The following SMLR1 variants were observed in gnomAD, a reference collection of about 807,000 sequenced individuals.
The protein encoded by SMLR1 is small leucine rich protein 1.
In SMLR1, 3 loss-of-function variants were observed where a neutral mutation model predicts 6.1. That is an observed-to-expected ratio of 0.49 (90% CI 0.22 to 1.28). SMLR1 has a LOEUF of 1.28. Among genes scored for constraint, SMLR1 ranks in the 50% most tolerant of loss-of-function variants. The probability of loss-of-function intolerance (pLI) is 0.19; values close to 1 mark genes in which losing one functional copy is unlikely to be tolerated. For synonymous variants in SMLR1, 55 were observed against 53.6 expected, an observed-to-expected ratio of 1.03 and a Z score of -0.11; for missense variants, 126 against 124.8, an observed-to-expected ratio of 1.01 and a Z score of -0.05.
chr6:130,828,445 TG>T (rs1390568918), intron 1 of SMLR1, among the ~76,000 whole-genome samples: 4 of 152,238 alleles, frequency 2.6e-5, no homozygotes, highest in African/African-American at 9.6e-5. Context: ...TTTCTTAATT[TG>T]GATAGTGTCA....
chr6:130,834,595 T>A (rs1021710573), intron 1 of SMLR1, among the ~76,000 whole-genome samples: 1 of 152,138 alleles, frequency 6.6e-6, no homozygotes, highest in Non-Finnish European at 1.5e-5. Context: ...ATCAACAAAA[T>A]CTAAATATAC....
rs779147365 is a variant in SMLR1 at position 130,834,879 on chromosome 6, A to T, written c.248A>T (p.Glu83Val). Reference sequence around the variant, plus strand: ...ATATTTTTCCTTTCAGTTAATGAAGAACTGTCCCAGAACTGTGATCGCCAA... The same window carrying T: ...ATATTTTTCCTTTCAGTTAATGAAGTACTGTCCCAGAACTGTGATCGCCAA... ...FRIKLIEVNE[E>V]LSQNCDRQHN... The change falls in exon 2 of 2, where the codon GAA becomes GTA. Residue 83 changes from glutamate (E) to valine (V), a missense_variant. Transcript: ENST00000541421. 5.2e-6 allele frequency: 8 copies of T among 1,535,156 alleles called. No homozygotes were observed. The South Asian group carries it at 9.5e-5, about 18-fold the overall frequency.
chr6:130,827,997 C>T (rs943237143), intron 1 of SMLR1, among the ~76,000 whole-genome samples: 1 of 152,190 alleles, frequency 6.6e-6, no homozygotes, highest in Non-Finnish European at 1.5e-5. Context: ...TCATGGTCTG[C>T]CTTCTTTACA....
chr6:130,833,748 T>C (rs1405273961), intron 1 of SMLR1, among the ~76,000 whole-genome samples: 1 of 152,170 alleles, frequency 6.6e-6, no homozygotes, highest in African/African-American at 2.4e-5. Flanking sequence ...ACAGAGCAAG[T>C]GCAAGTATTG....
intron 1 of SMLR1, 145 bp downstream of exon 1, chr6:130,827,796 C>G: frequency 3.0e-6 from 2 of 675,560 alleles, no homozygotes; most frequent in Non-Finnish European, 4.9e-6. Context: ...AGTGTTCTCT[C>G]AAGTTCCTTG....
chr6:130,834,223 C>T (rs1774565921), intron 1 of SMLR1, among the ~76,000 whole-genome samples: 1 of 151,990 alleles, frequency 6.6e-6, no homozygotes, highest in South Asian at 2.1e-4. Context: ...GATAAAAGCA[C>T]ACAGGTGGCA....
rs537035384 is a variant in SMLR1 at position 130,829,155 on chromosome 6, A to G, written c.238+1504A>G. ...TCATCTCTGGCTGGATGAAATTTTC[A>G]GTATTTCAAAAACTGCAGCAAGTAC... is the stretch of plus-strand genomic sequence containing the variant. On this transcript the variant is annotated intron_variant, in intron 1 of 1. Coordinates refer to ENST00000541421, the MANE Select transcript of SMLR1 (RefSeq NM_001195597.2). Among the ~76,000 whole-genome samples the G allele has an allele frequency of 1.0e-3, 152 of 152,310 alleles. 1 individual carries two copies. Among genetic ancestry groups the G allele is most frequent in the African/African-American group, 3.5e-3 (147 of 41,586 alleles).
chr6:130,827,749 A>AAC, intron 1 of SMLR1, 98 bp downstream of exon 1: 1 of 820,668 alleles, frequency 1.2e-6, no homozygotes, highest in South Asian at 1.7e-5. Flanking sequence ...GGCCAGGAGA[A>AAC]ACATATATAT....
chr6:130,835,094 AC>A lies in SMLR1; in HGVS notation c.*141del. ...AAGAATACTAAGATACTCATTCTGA[AC>A]CATACTGAAAAGTGGCAGCTATTAT... is the stretch of plus-strand genomic sequence containing the variant. On this transcript the variant is annotated 3_prime_UTR_variant, in exon 2 of 2. Transcript: ENST00000541421. The A allele has an allele frequency of 1.4e-6, 1 of 694,214 alleles. No individual in the cohort carries two copies. The highest frequency in any genetic ancestry group is 2.4e-6 in the Non-Finnish European group (1 of 413,916). The allele number at this position is 694,214 out of a possible 1,614,324, so 43.0% of individuals were successfully genotyped here.
chr6:130,834,349 G>T (rs949504199), intron 1 of SMLR1, among the ~76,000 whole-genome samples: 2 of 152,102 alleles, frequency 1.3e-5, no homozygotes, highest in African/African-American at 4.8e-5. Flanking sequence ...TCAGTAATTC[G>T]ATGGCATGGT....
intron 1 of SMLR1, among the ~76,000 whole-genome samples, chr6:130,830,618 C>G (rs1352779745): frequency 1.3e-5 from 2 of 152,148 alleles, no homozygotes; most frequent in Non-Finnish European, 2.9e-5. Flanking sequence ...GAGGCTGAGA[C>G]CTACTGGGCT....
At position 130,835,374 on chromosome 6, in the gene SMLR1, C is replaced by G. The variant is rs1183581186; in HGVS notation, c.*419C>G. 1 of 161,282 alleles carries G rather than the reference C, an allele frequency of 6.2e-6. No individual in the cohort carries two copies. Among genetic ancestry groups the G allele is most frequent in the African/African-American group, 2.4e-5 (1 of 41,666 alleles). The allele number at this position is 161,282 out of a possible 1,614,324, so 10.0% of individuals were successfully genotyped here. A position where few individuals can be genotyped will look rare whatever the true frequency, so the allele number is the denominator to read the frequency against. On this transcript the variant is annotated 3_prime_UTR_variant, in exon 2 of 2. Coordinates refer to ENST00000541421, the MANE Select transcript of SMLR1 (RefSeq NM_001195597.2). ...CCAATGAATAGCAAAAGATGAATGC[C>G]TTGGAGAGAGCTCAGTAGATTCCAT...
chr6:130,833,693 G>T (rs1774540780), intron 1 of SMLR1, among the ~76,000 whole-genome samples: 1 of 152,100 alleles, frequency 6.6e-6, no homozygotes, highest in Non-Finnish European at 1.5e-5. Flanking sequence ...GTCATCACAA[G>T]AATTGAACGA....
chr6:130,831,609 G>A (rs1774450067), intron 1 of SMLR1, among the ~76,000 whole-genome samples: 2 of 152,154 alleles, frequency 1.3e-5, no homozygotes, highest in South Asian at 4.1e-4. Flanking sequence ...TCACCAGTTT[G>A]TATCTCCATT....
At chr6:130,829,104 T>TG (rs938557235) in intron 1 of SMLR1, among the ~76,000 whole-genome samples, 1 of 152,174 alleles carries the variant, frequency 6.6e-6, no homozygotes, top group Non-Finnish European at 1.5e-5. Flanking sequence ...ATCGGGGACT[T>TG]GGAGACTTCC....
chr6:130,829,434 A>G (rs1774375369), intron 1 of SMLR1, among the ~76,000 whole-genome samples: 1 of 152,212 alleles, frequency 6.6e-6, no homozygotes, highest in South Asian at 2.1e-4. Flanking sequence ...ATACCCTGGA[A>G]AAGTCAACGT....
chr6:130,834,228 G>A (rs1232176766), intron 1 of SMLR1, among the ~76,000 whole-genome samples: 1 of 152,086 alleles, frequency 6.6e-6, no homozygotes, highest in African/African-American at 2.4e-5. Context: ...AAGCACACAG[G>A]TGGCATACAA....
In SMLR1 at chr6:130,827,604, T is replaced by C. The variant is rs1269720591; in HGVS notation, c.191T>C (p.Leu64Ser). The change falls in exon 1 of 2, where the codon TTG (leucine) becomes TCG (serine). Residue 64 changes from leucine (L) to serine (S), a missense_variant. Transcript: ENST00000541421. Reference protein sequence around the residue: ...LFFGVFLPVTLLLLLLIAYFR... With the variant: ...LFFGVFLPVTSLLLLLIAYFR... ...TTTGGGGTCTTCCTCCCCGTGACTT[T>C]GCTGCTGCTCCTCCTCATCGCCTAC... is the stretch of plus-strand genomic sequence containing the variant. 6.5e-7 allele frequency: 1 copy of C among 1,535,318 alleles called. No individual in the cohort carries two copies. The highest frequency in any genetic ancestry group is 8.7e-7 in the Non-Finnish European group (1 of 1,146,184).
At chr6:130,830,006 A>G (rs1025577769) in intron 1 of SMLR1, among the ~76,000 whole-genome samples, 5 of 152,194 alleles carry the variant, frequency 3.3e-5, no homozygotes, top group African/African-American at 7.2e-5. Flanking sequence ...TTAGTCTATC[A>G]TATACCACAG....
Sources: allele counts gnomAD v4.1 joint callset (sites outside exome capture counted in the v4.1 genomes callset), GRCh38; gene constraint gnomAD v4.1.1; transcripts MANE v1.5; gene names NCBI Gene and HGNC (gene_info 2026-07-23, HGNC 2026-07-21).